The following FAT4 variants were observed in gnomAD, a reference collection of about 807,000 sequenced individuals.
FAT4 encodes protocadherin Fat 4.
A neutral mutation model predicts 303.9 loss-of-function variants in FAT4; 84 were observed. The ratio of observed to expected loss-of-function variants is 0.28; its 90% CI spans 0.23 to 0.33. The LOEUF is 0.33. Ranked by LOEUF, FAT4 falls within the 10% of genes least tolerant of loss-of-function variation. The pLI, the probability that FAT4 is intolerant of heterozygous loss-of-function variation, is 1.00. For synonymous variants in FAT4, 2,307 were observed against 2,298.8 expected (o/e 1.00, Z -0.10); for missense variants, 6,005 against 6,146.8 (o/e 0.98, Z 0.77).
chr4:125,391,953 A>G (rs1441795683), intron 2 of FAT4, among the ~76,000 whole-genome samples: 1 of 152,076 alleles, frequency 6.6e-6, no homozygotes, highest in Non-Finnish European at 1.5e-5. Context: ...TCTAGAGGAG[A>G]ATTTACATGC....
chr4:125,491,214 C>T lies in FAT4; in HGVS notation c.14398C>T (p.Pro4800Ser), dbSNP rs773545173. ...TGAAGAAGTGGAGAGGCTCAACACA[C>T]CTCGCCCTAGAAACCCAAGTATCTG... Reference protein sequence around the residue: ...SIEEVERLNTPRPRNPSICSA... With the variant: ...SIEEVERLNTSRPRNPSICSA... The change falls in exon 18 of 18, where the codon CCT (proline) becomes TCT (serine). Residue 4800 changes from proline to serine, a missense_variant. Pro to Ser is a moderately conservative substitution (Grantham distance 74). Transcript: ENST00000394329. The T allele has an allele frequency of 2.7e-5, 44 of 1,614,116 alleles. 1 individual carries two copies. In the South Asian group the frequency reaches 4.7e-4, roughly 17 times the overall value.
At chr4:125,446,085 G>A in intron 8 of FAT4, 1 of 450,446 alleles carries the variant, frequency 2.2e-6, no homozygotes, top group Non-Finnish European at 4.0e-6. Context: ...GACATCACTG[G>A]ACATCTCACG....
At chr4:125,340,132 T>A (rs1731726991) in intron 2 of FAT4, among the ~76,000 whole-genome samples, 1 of 152,066 alleles carries the variant, frequency 6.6e-6, no homozygotes, top group Non-Finnish European at 1.5e-5. Flanking sequence ...CAAGGGCTCT[T>A]ATTCTTTTCT....
In FAT4 at chr4:125,491,066, G is replaced by A; in HGVS notation, c.14250G>A (p.Arg4750=). Residue 4750 remains arginine (R), a synonymous_variant, in exon 18 of 18, where the codon AGG becomes AGA. Coordinates refer to ENST00000394329, the MANE Select transcript of FAT4 (RefSeq NM_001291303.3). ...CQPGIFNYAT[R]LGRRSKSPQA... ...CTGGCATTTTCAACTATGCCACAAG[G>A]CTGGGAAGGAGAAGCAAGAGTCCTC... 1.2e-6 allele frequency: 2 copies of A among 1,614,182 alleles called. No homozygotes were observed. Among genetic ancestry groups the A allele is most frequent in the Non-Finnish European group, 1.7e-6 (2 of 1,180,032 alleles).
At position 125,481,356 on chromosome 4, in the gene FAT4, A is replaced by G. The variant is rs140903503; in HGVS notation, c.12605-165A>G. Among the ~76,000 whole-genome samples the G allele has an allele frequency of 3.9e-3, 592 of 152,354 alleles. 6 individuals carry two copies. Among genetic ancestry groups the G allele is most frequent in the African/African-American group, 0.014 (575 of 41,586 alleles). On this transcript the variant is annotated intron_variant, in intron 15 of 17. Coordinates refer to ENST00000394329, the MANE Select transcript of FAT4 (RefSeq NM_001291303.3). ...ATTTAAACATGTGAAATCAACTTAT[A>G]TAATGATTCATAAATGGAAATTATT...
chr4:125,318,590 A>G lies in FAT4; in HGVS notation c.2179A>G (p.Ser727Gly). 2 of 1,614,128 alleles carry G rather than the reference A, an allele frequency of 1.2e-6. No homozygotes were observed. Among genetic ancestry groups the G allele is most frequent in the South Asian group, 1.1e-5 (1 of 91,080 alleles). The change falls in exon 2 of 18, where the codon AGC (serine) becomes GGC (glycine). Residue 727 changes from serine to glycine, a missense_variant. Physicochemically the swap from Ser to Gly is moderately conservative, Grantham distance 56. Coordinates refer to ENST00000394329, the MANE Select transcript of FAT4 (RefSeq NM_001291303.3). ...GGGTACCAATGGTACTGTCAAATATAGCATATCTGCTGGGGACAGGTCTCG... is the reference window on the plus strand; with the variant it reads ...GGGTACCAATGGTACTGTCAAATATGGCATATCTGCTGGGGACAGGTCTCG... ...DLGTNGTVKY[S>G]ISAGDRSRFQ...
intron 16 of FAT4, among the ~76,000 whole-genome samples, chr4:125,482,770 C>T (rs1441696339): frequency 1.3e-5 from 2 of 152,258 alleles, no homozygotes; most frequent in African/African-American, 4.8e-5. Flanking sequence ...TAGATGTTCA[C>T]TTCTAAACTT....
intron 10 of FAT4, among the ~76,000 whole-genome samples, chr4:125,461,678 A>G (rs1726489444): frequency 6.6e-6 from 1 of 152,046 alleles, no homozygotes; most frequent in Non-Finnish European, 1.5e-5. Flanking sequence ...CAAAAAGCAC[A>G]AGTGAAAATT....
chr4:125,427,860 A>G (rs1725137223), intron 7 of FAT4, among the ~76,000 whole-genome samples: 3 of 152,224 alleles, frequency 2.0e-5, no homozygotes, highest in Admixed American at 2.0e-4. Context: ...TCAGAGAAGT[A>G]TTTTTGATTT....
In FAT4 at chr4:125,490,934, C is replaced by T; in HGVS notation, c.14118C>T (p.Ala4706=). The change falls in exon 18 of 18, where the codon GCC becomes GCT. Residue 4706 remains alanine (A), a synonymous_variant. Coordinates refer to ENST00000394329, the MANE Select transcript of FAT4 (RefSeq NM_001291303.3). The stretch of plus-strand genomic sequence containing the variant: ...ACCCTCTGTCTCGACACAGTCCAGC[C>T]CCTTTCTCCAAATCTTCTACGTTCT... ...TPNPLSRHSP[A]PFSKSSTFYR... The T allele has an allele frequency of 2.5e-6, 4 of 1,614,212 alleles. No individual in the cohort carries two copies. Among genetic ancestry groups the T allele is most frequent in the Non-Finnish European group, 3.4e-6 (4 of 1,180,038 alleles).
chr4:125,430,554 C>T (rs932334462), intron 7 of FAT4, among the ~76,000 whole-genome samples: 1 of 151,792 alleles, frequency 6.6e-6, no homozygotes, highest in Non-Finnish European at 1.5e-5. Flanking sequence ...GTAAGGTTTC[C>T]TATGAAAAAA....
chr4:125,435,172 A>G (rs1431194669), intron 8 of FAT4, among the ~76,000 whole-genome samples: 1 of 152,228 alleles, frequency 6.6e-6, no homozygotes, highest in African/African-American at 2.4e-5. Flanking sequence ...CTTAAAATTG[A>G]GAACACAAAT....
In FAT4 at chr4:125,318,751, C is replaced by T; in HGVS notation, c.2340C>T (p.Thr780=). The change falls in exon 2 of 18, where the codon ACC becomes ACT. Residue 780 remains threonine (T), a synonymous_variant. Coordinates refer to ENST00000394329, the MANE Select transcript of FAT4 (RefSeq NM_001291303.3). The part of the protein sequence containing the change: ...NLQSPNQAIV[T]ITVLDTQDNP... ...AATCTCCCAACCAGGCAATAGTAAC[C>T]ATCACTGTATTGGACACTCAAGACA... 1 of 1,613,950 alleles carries T rather than the reference C, an allele frequency of 6.2e-7. No individual in the cohort carries two copies. The highest frequency in any genetic ancestry group is 8.5e-7 in the Non-Finnish European group (1 of 1,179,906).
rs746933358 is a variant in FAT4, at chr4:125,434,445, TA to T, written c.7199+23del. 4.3e-6 allele frequency: 7 copies of T among 1,610,594 alleles called. No homozygotes were observed. The Admixed American group carries it at 5.1e-5, about 12-fold the overall frequency. Reference sequence around the variant, plus strand: ...TATAAGGTCAGTACATTTTCCTTTGTAAAGTTTGTCTGTTTTCTCATTAAAC... The same window carrying T: ...TATAAGGTCAGTACATTTTCCTTTGTAAGTTTGTCTGTTTTCTCATTAAAC... On this transcript the variant is annotated intron_variant, in intron 8 of 17. Coordinates refer to ENST00000394329, the MANE Select transcript of FAT4 (RefSeq NM_001291303.3).
intron 12 of FAT4, among the ~76,000 whole-genome samples, chr4:125,472,294 T>A (rs1181752852): frequency 6.6e-6 from 1 of 152,146 alleles, no homozygotes; most frequent in African/African-American, 2.4e-5. Context: ...ACTTATATAG[T>A]CCTTAGACTG....
rs147490855 is a variant in FAT4 at position 125,414,934 on chromosome 4, C to A, written c.5971C>A (p.Gln1991Lys). ...YSIASGDSLG[Q>K]FTVDKNGVLK... is the part of the protein sequence containing the mutation. ...CATTGCTTCAGGTGATAGCCTTGGGCAGTTTACTGTTGACAAGAATGGTGT... is the reference window on the plus strand; with the variant it reads ...CATTGCTTCAGGTGATAGCCTTGGGAAGTTTACTGTTGACAAGAATGGTGT... The change falls in exon 6 of 18, where the codon CAG becomes AAG. Residue 1991 changes from glutamine to lysine, a missense_variant. Gln to Lys is a moderately conservative substitution (Grantham distance 53, BLOSUM62 1). Transcript: ENST00000394329. 6.2e-6 allele frequency: 10 copies of A among 1,612,944 alleles called. No homozygotes were observed. The African/African-American group carries it at 1.2e-4, about 19-fold the overall frequency.
At position 125,408,447 on chromosome 4, in the gene FAT4, C is replaced by A. The variant is rs749313432; in HGVS notation, c.5573C>A (p.Ser1858Tyr). Residue 1858 changes from serine (S) to tyrosine (Y), a missense_variant, in exon 5 of 18, where the codon TCT (serine) becomes TAT (tyrosine). Coordinates refer to ENST00000394329, the MANE Select transcript of FAT4 (RefSeq NM_001291303.3). ...TATTAATTTATTCTTTTGATAGGTT[C>A]TTTGGTAGCAGCCATTTTAGCCACG... is the stretch of plus-strand genomic sequence containing the variant. ...FDIPEDTIPG[S>Y]LVAAILATDD... 3 of 1,584,424 alleles carry A rather than the reference C, an allele frequency of 1.9e-6. No homozygotes were observed. The highest frequency in any genetic ancestry group is 1.8e-5 in the Admixed American group (1 of 56,234).
chr4:125,322,345 T>G (rs1172564037), intron 2 of FAT4, among the ~76,000 whole-genome samples: 1 of 152,174 alleles, frequency 6.6e-6, no homozygotes, highest in East Asian at 1.9e-4. Context: ...GAAATTAGTG[T>G]TTCATAGCAT....
In FAT4 at chr4:125,319,462, A is replaced by G; in HGVS notation, c.3051A>G (p.Lys1017=). 6.2e-7 allele frequency: 1 copy of G among 1,613,932 alleles called. No individual in the cohort carries two copies. Among genetic ancestry groups the G allele is most frequent in the Non-Finnish European group, 8.5e-7 (1 of 1,179,814 alleles). Reference sequence around the variant, plus strand: ...AACCTGTGAATTCTCGATTCTTTAAAGTACAAGCTTCTGATAAGGATTCAG... The same window carrying G: ...AACCTGTGAATTCTCGATTCTTTAAGGTACAAGCTTCTGATAAGGATTCAG... The part of the protein sequence containing the change: ...ESEPVNSRFF[K]VQASDKDSGA... Residue 1017 remains lysine (K), a synonymous_variant, in exon 2 of 18, where the codon AAA becomes AAG. Coordinates refer to ENST00000394329, the MANE Select transcript of FAT4 (RefSeq NM_001291303.3).
Sources: allele counts gnomAD v4.1 joint callset (sites outside exome capture counted in the v4.1 genomes callset), GRCh38; gene constraint gnomAD v4.1.1; transcripts MANE v1.5; gene names NCBI Gene and HGNC (gene_info 2026-07-23, HGNC 2026-07-21).